The following C7orf78 variants were observed in gnomAD, a reference collection of about 807,000 sequenced individuals.
The protein encoded by C7orf78 is chromosome 7 open reading frame 78.
chr7:12,506,801 A>G, the C7orf78 span: 1 of 374,534 alleles, frequency 2.7e-6, no homozygotes, highest in South Asian at 2.1e-5. Context: ...ATAAAAAGGG[A>G]CAGAGATGAC....
the C7orf78 span, among the ~76,000 whole-genome samples, chr7:12,503,233 T>TAATA: frequency 2.2e-5 from 3 of 135,608 alleles, no homozygotes; most frequent in African/African-American, 5.4e-5. Flanking sequence ...TAAAGTATAA[T>TAATA]AATAAACAAA....
the C7orf78 span, among the ~76,000 whole-genome samples, chr7:12,489,479 G>A: frequency 6.6e-6 from 1 of 152,220 alleles, no homozygotes; most frequent in East Asian, 1.9e-4. Context: ...CCTTTTAAAT[G>A]TAAACACTTA....
the C7orf78 span, among the ~76,000 whole-genome samples, chr7:12,502,655 C>A: frequency 3.3e-5 from 5 of 152,032 alleles, no homozygotes; most frequent in Admixed American, 6.6e-5. Flanking sequence ...CTAGTTCAAC[C>A]ATTGTAGAAG....
At chr7:12,530,081 T>A in the C7orf78 span, among the ~76,000 whole-genome samples, 1 of 152,150 alleles carries the variant, frequency 6.6e-6, no homozygotes, top group African/African-American at 2.4e-5. Context: ...TTCCATCTGG[T>A]CTGGAGTTGA....
chr7:12,491,099 C>A, the C7orf78 span: 1 of 152,018 alleles, frequency 6.6e-6, no homozygotes, highest in African/African-American at 2.4e-5. Context: ...GAAAACATGG[C>A]CTTGTCTTTT....
the C7orf78 span, among the ~76,000 whole-genome samples, chr7:12,500,550 T>C: frequency 6.6e-6 from 1 of 150,560 alleles, no homozygotes; most frequent in African/African-American, 2.5e-5. Flanking sequence ...AATCTCTGAA[T>C]AGACCAATAA....
At chr7:12,499,311 C>T in the C7orf78 span, among the ~76,000 whole-genome samples, 1 of 151,992 alleles carries the variant, frequency 6.6e-6, no homozygotes, top group Non-Finnish European at 1.5e-5. Context: ...AGAGTCAAGA[C>T]CCATCAGTGT....
chr7:12,505,702 CTCAG>C, the C7orf78 span, among the ~76,000 whole-genome samples: 23,117 of 151,842 alleles, frequency 0.15, 2,161 homozygotes, highest in South Asian at 0.21. Context: ...TCCTTAATTT[CTCAG>C]TCATATATTT....
chr7:12,484,131 C>T, the C7orf78 span: 1 of 152,176 alleles, frequency 6.6e-6, no homozygotes, highest in Admixed American at 6.5e-5. Flanking sequence ...AATACTTAAA[C>T]ACTGTATGTT....
At chr7:12,504,378 A>G in the C7orf78 span, 3 of 152,212 alleles carry the variant, frequency 2.0e-5, no homozygotes. Flanking sequence ...AGTCTGGTAG[A>G]AAATTAATTC....
the C7orf78 span, among the ~76,000 whole-genome samples, chr7:12,499,966 G>C: frequency 4.7e-3 from 579 of 122,598 alleles, 6 homozygotes; most frequent in Admixed American, 6.3e-3. Flanking sequence ...TGAACAACCT[G>C]CTCCTGAATG....
At chr7:12,516,490 C>T in the C7orf78 span, among the ~76,000 whole-genome samples, 3 of 152,228 alleles carry the variant, frequency 2.0e-5, no homozygotes, top group Non-Finnish European at 4.4e-5. Flanking sequence ...AGAGTCCCCA[C>T]TGGGGCATGG....
At chr7:12,505,131 T>G in the C7orf78 span, among the ~76,000 whole-genome samples, 1 of 152,100 alleles carries the variant, frequency 6.6e-6, no homozygotes, top group Non-Finnish European at 1.5e-5. Context: ...TTGTCACTAT[T>G]ATGGTGAAGT....
At chr7:12,505,372 T>G in the C7orf78 span, among the ~76,000 whole-genome samples, 1 of 152,122 alleles carries the variant, frequency 6.6e-6, no homozygotes. Context: ...GTCTTAATTA[T>G]TTTATAATCT....
At chr7:12,498,457 T>G in the C7orf78 span, among the ~76,000 whole-genome samples, 3 of 151,498 alleles carry the variant, frequency 2.0e-5, no homozygotes, top group African/African-American at 7.3e-5. Flanking sequence ...CAGGAGCCGA[T>G]GCGATCAACT....
the C7orf78 span, among the ~76,000 whole-genome samples, chr7:12,538,808 G>A: frequency 5.9e-5 from 9 of 151,962 alleles, no homozygotes; most frequent in Non-Finnish European, 8.8e-5. Context: ...CTCACGTTGC[G>A]AGCCACCCAT....
the C7orf78 span, among the ~76,000 whole-genome samples, chr7:12,511,778 G>A: frequency 0.089 from 13,522 of 151,866 alleles, 801 homozygotes; most frequent in Non-Finnish European, 0.13. Context: ...TTAAGATGGA[G>A]TCTTGCTCTG....
the C7orf78 span, chr7:12,483,806 A>T: frequency 6.6e-6 from 1 of 150,502 alleles, no homozygotes; most frequent in Non-Finnish European, 1.5e-5. Flanking sequence ...TGAAACCAGA[A>T]GTCAGAGGTT....
At chr7:12,517,523 T>C in the C7orf78 span, among the ~76,000 whole-genome samples, 257 of 152,330 alleles carry the variant, frequency 1.7e-3, 1 homozygote, top group Middle Eastern at 3.4e-3. Flanking sequence ...AAAATTCATA[T>C]ATCATTTGCT....
Sources: gnomAD v4.1 joint callset for allele counts (sites outside exome capture counted in the v4.1 genomes callset) on GRCh38, gnomAD v4.1.1 for gene constraint, MANE v1.5 for transcripts, NCBI Gene and HGNC (gene_info 2026-07-23, HGNC 2026-07-21) for gene names.